The following OSBP2 variants were observed in gnomAD, a reference collection of about 807,000 sequenced individuals.
OSBP2 encodes the protein oxysterol binding protein 2.
OSBP2 carries 66 observed loss-of-function variants against 96.0 expected under a neutral mutation model. The ratio of observed to expected loss-of-function variants is 0.69; its 90% confidence interval spans 0.56 to 0.84. The LOEUF is 0.84. OSBP2 is among the 40% of genes least tolerant of loss of function. The pLI is 0.00. For synonymous variants in OSBP2, 525 were observed against 520.9 expected, an observed-to-expected ratio of 1.01 and a Z score of -0.11; for missense variants, 1,038 against 1,222.7, an observed-to-expected ratio of 0.85 and a Z score of 2.25.
intron 3 of OSBP2, among the ~76,000 whole-genome samples, chr22:30,882,523 T>C (rs544189685): frequency 8.2e-6 from 1 of 121,906 alleles, no homozygotes; most frequent in South Asian, 2.7e-4. Context: ...AAAAAAAAAA[T>C]CTACCTCAGT....
At chr22:30,872,085 T>A (rs1388424551) in intron 3 of OSBP2, among the ~76,000 whole-genome samples, 1 of 152,044 alleles carries the variant, frequency 6.6e-6, no homozygotes, top group East Asian at 1.9e-4. Context: ...TGCTGGGGGG[T>A]GGGGGGCAGT....
chr22:30,901,625 G>A (rs1055678889), intron 12 of OSBP2, among the ~76,000 whole-genome samples: 4 of 151,888 alleles, frequency 2.6e-5, no homozygotes, highest in African/African-American at 9.7e-5. Flanking sequence ...AGCACTTTGG[G>A]AGGCCAAGGC....
At chr22:30,728,995 A>G (rs886804297) in intron 1 of OSBP2, among the ~76,000 whole-genome samples, 1 of 152,208 alleles carries the variant, frequency 6.6e-6, no homozygotes. Flanking sequence ...ATATGTACAC[A>G]TTACTAATGC....
At chr22:30,865,583 G>T (rs1045324136) in intron 2 of OSBP2, among the ~76,000 whole-genome samples, 2 of 129,872 alleles carry the variant, frequency 1.5e-5, no homozygotes, top group Non-Finnish European at 3.1e-5. Flanking sequence ...AGTGAACTGA[G>T]ATCATGCCAT....
At position 30,775,802 on chromosome 22, in the gene OSBP2, G is replaced by GT. The variant is rs904351208; in HGVS notation, c.853+34442dup. On this transcript the variant is annotated intron_variant, in intron 2 of 13. Coordinates refer to ENST00000332585, the MANE Select transcript of OSBP2 (RefSeq NM_030758.4). Reference sequence around the variant, plus strand: ...ATAAGATTTTTTTGGGGGGGAGGTTGTTTTTTTTTCTGAGACAGTGTCTTG... The same window carrying GT: ...ATAAGATTTTTTTGGGGGGGAGGTTGTTTTTTTTTTCTGAGACAGTGTCTTG... 8.9e-3 allele frequency among the ~76,000 whole-genome samples: 1,341 copies of GT among 150,368 alleles called. 21 individuals carry two copies. The highest frequency in any genetic ancestry group is 0.029 in the African/African-American group (1,187 of 40,962).
chr22:30,841,468 T>G (rs1209756373), intron 2 of OSBP2, among the ~76,000 whole-genome samples: 1 of 152,220 alleles, frequency 6.6e-6, no homozygotes, highest in Non-Finnish European at 1.5e-5. Context: ...TTTTCAGAGC[T>G]TATGCGTGTT....
At chr22:30,787,314 G>A (rs1309845425) in intron 2 of OSBP2, among the ~76,000 whole-genome samples, 1 of 152,174 alleles carries the variant, frequency 6.6e-6, no homozygotes, top group Non-Finnish European at 1.5e-5. Context: ...ACGAATGGGA[G>A]CTAAGAGGAG....
chr22:30,801,894 T>A (rs1212354594), intron 2 of OSBP2, among the ~76,000 whole-genome samples: 1 of 152,204 alleles, frequency 6.6e-6, no homozygotes, highest in Non-Finnish European at 1.5e-5. Context: ...GGAGGATCAC[T>A]TGAGCCCAGG....
chr22:30,893,264 T>C, intron 9 of OSBP2, 22 bp downstream of exon 9: 3 of 1,613,866 alleles, frequency 1.9e-6, no homozygotes, highest in Non-Finnish European at 2.5e-6. Flanking sequence ...CCCGGTGCCT[T>C]CCTGGGACAC....
At chr22:30,826,161 G>C (rs1307162720) in intron 2 of OSBP2, among the ~76,000 whole-genome samples, 7 of 152,124 alleles carry the variant, frequency 4.6e-5, no homozygotes. Flanking sequence ...ACTTCAGCTG[G>C]GAATTGATGG....
intron 1 of OSBP2, among the ~76,000 whole-genome samples, chr22:30,715,938 C>T (rs2089446910): frequency 6.6e-6 from 1 of 151,502 alleles, no homozygotes; most frequent in African/African-American, 2.4e-5. Flanking sequence ...GTGATCCTCC[C>T]ACCTCAGCCT....
Position 30,893,192 on chromosome 22 carries a change from T to C in OSBP2, c.1940T>C (p.Ile647Thr). The C allele has an allele frequency of 6.2e-7, 1 of 1,614,066 alleles. No homozygotes were observed. The highest frequency in any genetic ancestry group is 2.2e-5 in the East Asian group (1 of 44,874). Reference sequence around the variant, plus strand: ...CATGGCTGGAGCCTCTGGCAGGAGATCACCATCTCCAGCAAGTTCCGGGGA... The same window carrying C: ...CATGGCTGGAGCCTCTGGCAGGAGACCACCATCTCCAGCAAGTTCCGGGGA... ...SKHGWSLWQE[I>T]TISSKFRGKY... Residue 647 changes from isoleucine (I) to threonine (T), a missense_variant, in exon 9 of 14, where the codon ATC becomes ACC. Transcript: ENST00000332585.
chr22:30,693,921 C>T (rs2088970606), upstream of OSBP2: 3 of 724,258 alleles, frequency 4.1e-6, no homozygotes, highest in East Asian at 5.5e-5. Context: ...ACCAAGATCA[C>T]GCCACTGCAT....
At position 30,901,060 on chromosome 22, in the gene OSBP2, A is replaced by T. The variant is rs540808761; in HGVS notation, c.2376-4777A>T. On this transcript the variant is annotated intron_variant, in intron 12 of 13. Transcript: ENST00000332585. ...ATCATAGTTAAAAATAAAAATTTTT[A>T]AAAGATCACATAAAGAACTTTTTTT... 1.1e-4 allele frequency among the ~76,000 whole-genome samples: 16 copies of T among 152,292 alleles called. No individual in the cohort carries two copies. The East Asian group carries it at 1.9e-3, about 18-fold the overall frequency.
At chr22:30,768,753 G>A (rs2090310279) in intron 2 of OSBP2, among the ~76,000 whole-genome samples, 1 of 152,122 alleles carries the variant, frequency 6.6e-6, no homozygotes, top group Non-Finnish European at 1.5e-5. Context: ...TTCCTGCTAG[G>A]GCAATTACCT....
intron 12 of OSBP2, chr22:30,902,248 T>C: frequency 1.9e-6 from 3 of 1,564,416 alleles, no homozygotes; most frequent in Non-Finnish European, 2.6e-6. Flanking sequence ...GGAATCTACC[T>C]TTTAATATGG....
chr22:30,893,015 C>T, intron 8 of OSBP2, 107 bp from the exon 9 acceptor site: 1 of 1,444,198 alleles, frequency 6.9e-7, no homozygotes. Flanking sequence ...CCTATGGCCA[C>T]AGAGCTGTGC....
intron 1 of OSBP2, among the ~76,000 whole-genome samples, chr22:30,698,443 C>CT (rs1186569854): frequency 0.055 from 7,944 of 143,154 alleles, 515 homozygotes; most frequent in African/African-American, 0.15. Flanking sequence ...TTTTCTTTTT[C>CT]TTTTTTTTTT....
At chr22:30,698,584 G>A (rs1320314567) in intron 1 of OSBP2, among the ~76,000 whole-genome samples, 3 of 151,540 alleles carry the variant, frequency 2.0e-5, no homozygotes, top group South Asian at 2.1e-4. Context: ...AACTACAGGC[G>A]TGCACCACCA....
Sources: gnomAD v4.1 joint callset for allele counts (sites outside exome capture counted in the v4.1 genomes callset) on GRCh38, gnomAD v4.1.1 for gene constraint, MANE v1.5 for transcripts, NCBI Gene and HGNC (gene_info 2026-07-23, HGNC 2026-07-21) for gene names.